Variants in PXDC1 observed in about 807,000 individuals in gnomAD.
PXDC1 encodes PX domain containing 1.
In PXDC1, 13 loss-of-function variants were observed where a neutral mutation model predicts 24.4. That is an observed-to-expected ratio of 0.53 (90% CI 0.35 to 0.85). The LOEUF (loss-of-function observed/expected upper bound fraction) is 0.85. Ranked by LOEUF, PXDC1 falls within the 40% of genes least tolerant of loss-of-function variation. PXDC1 has a pLI of 0.01. For synonymous variants in PXDC1, 162 were observed against 124.9 expected, an observed-to-expected ratio of 1.30 and a Z score of -1.98; for missense variants, 344 against 309.3, an observed-to-expected ratio of 1.11 and a Z score of -0.84.
intron 1 of PXDC1, among the ~76,000 whole-genome samples, chr6:3,750,501 T>G (rs888258307): frequency 2.0e-5 from 3 of 151,662 alleles, no homozygotes; most frequent in African/African-American, 4.8e-5. Flanking sequence ...CCAGTCCCTC[T>G]CTCTTGCGTC....
intron 1 of PXDC1, chr6:3,739,223 C>T: frequency 1.1e-6 from 1 of 902,320 alleles, no homozygotes; most frequent in African/African-American, 1.7e-5. Flanking sequence ...GGTCCCAGAG[C>T]ATACAGTCCA....
Position 3,751,442 on chromosome 6 carries a change from G to A in PXDC1, c.90C>T (p.Ser30=). Residue 30 remains serine (S), a synonymous_variant, in exon 1 of 5, where the codon AGC becomes AGT. Coordinates refer to ENST00000380283, the MANE Select transcript of PXDC1 (RefSeq NM_183373.4). ...AGAACTCCTCTTCGTCGCCGCGCCG[G>A]CTGACGATGAGCCTGCGGATGCCGT... ...WVNGIRRLIV[S]RRGDEEEFFE... The A allele has an allele frequency of 6.3e-7, 1 of 1,595,776 alleles. No individual in the cohort carries two copies. The highest frequency in any genetic ancestry group is 1.1e-5 in the South Asian group (1 of 88,044).
At chr6:3,729,780 C>T (rs1158929740) in intron 3 of PXDC1, among the ~76,000 whole-genome samples, 1 of 152,184 alleles carries the variant, frequency 6.6e-6, no homozygotes, top group East Asian at 1.9e-4. Context: ...AGAGCAACCT[C>T]CATACAGCCA....
In PXDC1 at chr6:3,737,723, G is replaced by A. The variant is rs758314713; in HGVS notation, c.348+334C>T. 3.6e-4 allele frequency: 354 copies of A among 984,030 alleles called. No homozygotes were observed. Among genetic ancestry groups the A allele is most frequent in the Non-Finnish European group, 4.1e-4 (341 of 828,800 alleles). 61.0% of individuals were successfully genotyped at this position (984,030 alleles called of 1,614,324 possible). Reference sequence around the variant, plus strand: ...TGTTCTAAAATCCCCTCAGCAAGACGGTGGATTCTGAGCAGAGGCAGAAAG... The same window carrying A: ...TGTTCTAAAATCCCCTCAGCAAGACAGTGGATTCTGAGCAGAGGCAGAAAG... On this transcript the variant is annotated intron_variant, in intron 2 of 4. Coordinates refer to ENST00000380283, the MANE Select transcript of PXDC1 (RefSeq NM_183373.4). The surrounding 1 kb of genome is among the most constrained non-coding windows in gnomAD (Gnocchi z 5.5).
At chr6:3,732,225 C>T (rs1339404405) in intron 3 of PXDC1, among the ~76,000 whole-genome samples, 1 of 152,210 alleles carries the variant, frequency 6.6e-6, no homozygotes, top group Non-Finnish European at 1.5e-5. Context: ...CTTTTCTCAG[C>T]AGACACGCGG....
intron 1 of PXDC1, among the ~76,000 whole-genome samples, chr6:3,740,471 G>C (rs896456312): frequency 1.3e-5 from 2 of 152,142 alleles, no homozygotes; most frequent in African/African-American, 4.8e-5. Flanking sequence ...ACTTAACTTT[G>C]GGTCCGGTAT....
chr6:3,745,100 C>T (rs112348058), intron 1 of PXDC1, among the ~76,000 whole-genome samples: 54 of 152,268 alleles, frequency 3.5e-4, no homozygotes, highest in African/African-American at 1.3e-3. Context: ...AGCAAGGCCA[C>T]AGGCCTAGTC....
Position 3,751,509 on chromosome 6 carries a change from C to A in PXDC1, c.23G>T (p.Gly8Val). The A allele has an allele frequency of 6.3e-7, 1 of 1,597,932 alleles. No individual in the cohort carries two copies. MASAVFE[G>V]TSLVNMFVRG... ...CACGAACATGTTCACGAGCGACGTG[C>A]CCTCAAACACCGCCGAGGCCATGTC... The change falls in exon 1 of 5, where the codon GGC becomes GTC. Residue 8 changes from glycine (G) to valine (V), a missense_variant. Physicochemically the swap from Gly to Val is moderately radical, Grantham distance 109. Transcript: ENST00000380283.
chr6:3,735,817 A>T (rs547981064), intron 3 of PXDC1, among the ~76,000 whole-genome samples: 1 of 152,348 alleles, frequency 6.6e-6, no homozygotes, highest in South Asian at 2.1e-4. Context: ...AAATACTCTG[A>T]TTTGATTTTT....
chr6:3,723,516 G>A lies in PXDC1; in HGVS notation c.*103C>T. 1 of 902,894 alleles carries A rather than the reference G, an allele frequency of 1.1e-6. No homozygotes were observed. 55.9% of individuals were successfully genotyped at this position (902,894 alleles called of 1,614,324 possible). ...TCAGTGGGGCCTGGGACGTCTGGGA[G>A]TTCCAGAGCTGGGGCAGCAGCTGTG... On this transcript the variant is annotated 3_prime_UTR_variant, in exon 5 of 5. Transcript: ENST00000380283.
intron 4 of PXDC1, among the ~76,000 whole-genome samples, chr6:3,727,121 A>G (rs1184570948): frequency 6.6e-6 from 1 of 152,256 alleles, no homozygotes; most frequent in African/African-American, 2.4e-5. Flanking sequence ...CGGAGAAGAC[A>G]GTGGTGGCTT....
intron 1 of PXDC1, chr6:3,739,038 G>T: frequency 1.6e-6 from 2 of 1,214,754 alleles, no homozygotes; most frequent in Non-Finnish European, 2.1e-6. Flanking sequence ...CGTGATTACT[G>T]CGATTACTTT....
At chr6:3,751,254 T>C in intron 1 of PXDC1, 22 bp downstream of exon 1, 2 of 1,448,124 alleles carry the variant, frequency 1.4e-6, no homozygotes, top group Non-Finnish European at 1.8e-6. Context: ...CCCGCGCCCC[T>C]CCCGCGTCCC....
chr6:3,737,563 G>A lies in PXDC1; in HGVS notation c.349-367C>T. Reference sequence around the variant, plus strand: ...TTCCAGGAGCTAAGGAGGTCTGCCTGGCGCTCAAGTCCAGGTTCTTAACCA... The same window carrying A: ...TTCCAGGAGCTAAGGAGGTCTGCCTAGCGCTCAAGTCCAGGTTCTTAACCA... On this transcript the variant is annotated intron_variant, in intron 2 of 4. Transcript: ENST00000380283. The surrounding 1 kb of genome is among the most constrained non-coding windows in gnomAD (Gnocchi z 5.5). 1 of 650,366 alleles carries A rather than the reference G, an allele frequency of 1.5e-6. No homozygotes were observed. Among genetic ancestry groups the A allele is most frequent in the Non-Finnish European group, 1.9e-6 (1 of 523,620 alleles). The allele number at this position is 650,366 out of a possible 1,614,324, so 40.3% of individuals were successfully genotyped here.
intron 1 of PXDC1, among the ~76,000 whole-genome samples, chr6:3,749,244 A>G (rs1477542274): frequency 6.6e-6 from 1 of 150,650 alleles, no homozygotes; most frequent in African/African-American, 2.4e-5. Context: ...AGCAGCTCCA[A>G]CAGTTCCACG....
intron 1 of PXDC1, among the ~76,000 whole-genome samples, chr6:3,739,737 C>A (rs1409042237): frequency 1.3e-5 from 2 of 152,248 alleles, no homozygotes; most frequent in Non-Finnish European, 1.5e-5. Context: ...ACCAGACTCT[C>A]CGGATGCCTC....
intron 1 of PXDC1, among the ~76,000 whole-genome samples, chr6:3,743,197 G>C (rs570986016): frequency 7.5e-6 from 1 of 132,694 alleles, no homozygotes; most frequent in African/African-American, 3.2e-5. Flanking sequence ...CTGCAATTCT[G>C]AAACTAAAGG....
chr6:3,727,694 G>A, intron 3 of PXDC1, 32 bp from the exon 4 acceptor site: 2 of 1,429,364 alleles, frequency 1.4e-6, no homozygotes, highest in Non-Finnish European at 2.0e-6. Flanking sequence ...TGAGTCCTCA[G>A]GAGGGGTCGG....
rs150980934 is a variant in PXDC1, at chr6:3,737,300, G to A, written c.349-104C>T. The A allele has an allele frequency of 2.0e-4, 162 of 793,650 alleles. No individual in the cohort carries two copies. In the African/African-American group the frequency reaches 2.5e-3, roughly 12 times the overall value. The allele number at this position is 793,650 out of a possible 1,614,324, so 49.2% of individuals were successfully genotyped here. On this transcript the variant is annotated intron_variant, in intron 2 of 4. Coordinates refer to ENST00000380283, the MANE Select transcript of PXDC1 (RefSeq NM_183373.4). The surrounding 1 kb of genome is among the most constrained non-coding windows in gnomAD (Gnocchi z 5.5). ...GCTCCTCCGCAGAGGCAGCCTGTGT[G>A]ATGCAAACGCCCCATGAATGTCCAG...
Sources: gnomAD v4.1 joint callset for allele counts (sites outside exome capture counted in the v4.1 genomes callset) on GRCh38, gnomAD v4.1.1 for gene constraint, Gnocchi (gnomAD v3.1) non-coding constraint, MANE v1.5 for transcripts, NCBI Gene and HGNC (gene_info 2026-07-23, HGNC 2026-07-21) for gene names.